KCNJ1: variants seen among roughly 807,000 people sequenced by gnomAD.
The protein encoded by KCNJ1 is ATP-sensitive inward rectifier potassium channel 1.
KCNJ1 carries 24 observed loss-of-function variants against 21.9 expected under a neutral mutation model. That is an observed-to-expected ratio of 1.10 (90% CI 0.79 to 1.54). KCNJ1 has a LOEUF of 1.54. Among genes scored for constraint, KCNJ1 ranks in the 40% most tolerant of loss-of-function variants. The pLI, the probability that KCNJ1 is intolerant of heterozygous loss-of-function variation, is 0.00. For missense variants in KCNJ1, 457 were observed against 455.4 expected, an observed-to-expected ratio of 1.00 and a Z score of -0.03; for synonymous variants, 152 against 160.9, an observed-to-expected ratio of 0.94 and a Z score of 0.42.
intron 2 of KCNJ1, among the ~76,000 whole-genome samples, chr11:128,844,297 T>C (rs1943341659): frequency 6.6e-6 from 1 of 152,078 alleles, no homozygotes; most frequent in Admixed American, 6.5e-5. Context: ...TAATGGAGCA[T>C]AGAAAGCCTC....
At chr11:128,858,828 G>A (rs548293170) in intron 1 of KCNJ1, among the ~76,000 whole-genome samples, 1 of 152,304 alleles carries the variant, frequency 6.6e-6, no homozygotes, top group South Asian at 2.1e-4. Context: ...GTCTACTATA[G>A]GACTCAGTTG....
Position 128,839,301 on chromosome 11 carries a change from CCTTT to C in KCNJ1, c.939_942del (p.Glu315GlyfsTer35), listed in dbSNP as rs780691086. ...TGGAAATCCACTCGGTATTTCCCTTCCTTTGTCTTGGATACTATGGGAGCAAAAC... is the reference window on the plus strand; with the variant it reads ...TGGAAATCCACTCGGTATTTCCCTTCGTCTTGGATACTATGGGAGCAAAAC... On this transcript the variant is annotated frameshift_variant, in exon 3 of 3. Transcript: ENST00000392666. LOFTEE classifies it high-confidence loss of function. 39 of 1,614,034 alleles carry C rather than the reference CCTTT, an allele frequency of 2.4e-5. No individual in the cohort carries two copies. In the Admixed American group the frequency reaches 2.5e-4, roughly 10 times the overall value.
chr11:128,850,181 G>A (rs749630596), intron 2 of KCNJ1, among the ~76,000 whole-genome samples: 2 of 151,496 alleles, frequency 1.3e-5, no homozygotes, highest in Admixed American at 1.3e-4. Context: ...TCTCCCCCAC[G>A]CCACACCCAC....
At chr11:128,852,610 T>C (rs1397687219) in intron 1 of KCNJ1, among the ~76,000 whole-genome samples, 1 of 152,246 alleles carries the variant, frequency 6.6e-6, no homozygotes, top group African/African-American at 2.4e-5. Context: ...TGACCCTTTG[T>C]TCCATGCCAT....
At chr11:128,855,433 G>A (rs535259830) in intron 1 of KCNJ1, among the ~76,000 whole-genome samples, 6 of 152,192 alleles carry the variant, frequency 3.9e-5, no homozygotes, top group Non-Finnish European at 8.8e-5. Context: ...TAACCAAAAT[G>A]CTGGCTCCCT....
chr11:128,852,422 C>T (rs911103543), intron 1 of KCNJ1, among the ~76,000 whole-genome samples: 1 of 152,124 alleles, frequency 6.6e-6, no homozygotes, highest in Non-Finnish European at 1.5e-5. Context: ...GACTCCGTTG[C>T]TATGCCCACG....
At chr11:128,857,128 G>T (rs980161054) in intron 1 of KCNJ1, among the ~76,000 whole-genome samples, 5 of 152,120 alleles carry the variant, frequency 3.3e-5, no homozygotes, top group African/African-American at 1.2e-4. Context: ...CTCCTGCCCT[G>T]GGCTTCGGCA....
chr11:128,861,237 C>T (rs1297225032), intron 1 of KCNJ1, among the ~76,000 whole-genome samples: 1 of 152,244 alleles, frequency 6.6e-6, no homozygotes, highest in Non-Finnish European at 1.5e-5. Context: ...CGCCAGCTTC[C>T]GCCCGAGGCG....
At position 128,839,566 on chromosome 11, in the gene KCNJ1, G is replaced by T. The variant is rs201463487; in HGVS notation, c.678C>A (p.Asp226Glu). ...CAACTACAAAGTTGATATTGATCTG[G>T]TCCAAAATAATGGTCTCTCCTTCAG... is the stretch of plus-strand genomic sequence containing the variant. ...VTPEGETIILDQININFVVDA... is the reference protein window; with the variant it reads ...VTPEGETIILEQININFVVDA... Residue 226 changes from aspartate to glutamate, a missense_variant, in exon 3 of 3, where the codon GAC becomes GAA. Coordinates refer to ENST00000392666, the MANE Select transcript of KCNJ1 (RefSeq NM_153766.3). The T allele has an allele frequency of 6.2e-7, 1 of 1,614,106 alleles. No homozygotes were observed.
intron 1 of KCNJ1, 42 bp downstream of exon 1, chr11:128,867,131 T>C (rs1464838148): frequency 6.6e-6 from 1 of 152,176 alleles, no homozygotes; most frequent in African/African-American, 2.4e-5. Flanking sequence ...AGAATTAACT[T>C]CTTTTTCCTA....
At position 128,861,969 on chromosome 11, in the gene KCNJ1, G is replaced by A. The variant is rs368376801; in HGVS notation, c.-192+5204C>T. On this transcript the variant is annotated intron_variant, in intron 1 of 2. Coordinates refer to ENST00000392666, the MANE Select transcript of KCNJ1 (RefSeq NM_153766.3). Reference sequence around the variant, plus strand: ...CCCCAGCTCTCGGCCGCGCTTCTCCGGTGGCTGCCTATTCCCAGCTTCAGG... The same window carrying A: ...CCCCAGCTCTCGGCCGCGCTTCTCCAGTGGCTGCCTATTCCCAGCTTCAGG... 3.9e-4 allele frequency among the ~76,000 whole-genome samples: 60 copies of A among 152,238 alleles called. No individual in the cohort carries two copies. In the South Asian group the frequency reaches 0.011, roughly 28 times the overall value.
chr11:128,843,432 G>A (rs1216483766), intron 2 of KCNJ1, among the ~76,000 whole-genome samples: 3 of 152,184 alleles, frequency 2.0e-5, no homozygotes, highest in African/African-American at 7.2e-5. Flanking sequence ...GGCAAAACAA[G>A]CGGATTACAT....
intron 1 of KCNJ1, among the ~76,000 whole-genome samples, chr11:128,855,564 AGTGAGGG>A (rs1299891491): frequency 6.6e-6 from 1 of 152,194 alleles, no homozygotes; most frequent in African/African-American, 2.4e-5. Context: ...CCTTGAAAAT[AGTGAGGG>A]GATAGGCTAT....
intron 1 of KCNJ1, among the ~76,000 whole-genome samples, chr11:128,855,292 C>T (rs903959614): frequency 6.6e-6 from 1 of 152,088 alleles, no homozygotes; most frequent in African/African-American, 2.4e-5. Context: ...TTCTTTTTCC[C>T]CAACATCATT....
chr11:128,855,103 A>AGC (rs1416262759), intron 1 of KCNJ1, among the ~76,000 whole-genome samples: 1 of 152,176 alleles, frequency 6.6e-6, no homozygotes, highest in Non-Finnish European at 1.5e-5. Flanking sequence ...AAACAAACAA[A>AGC]AAATAGTTGC....
At chr11:128,851,030 G>T in intron 1 of KCNJ1, 140 bp from the exon 2 acceptor site, 1 of 245,672 alleles carries the variant, frequency 4.1e-6, no homozygotes, top group South Asian at 1.5e-4. Flanking sequence ...GTCAGCTTGG[G>T]CTCCAGTGGA....
chr11:128,861,456 G>A (rs1943705956), intron 1 of KCNJ1, among the ~76,000 whole-genome samples: 1 of 152,182 alleles, frequency 6.6e-6, no homozygotes, highest in Admixed American at 6.5e-5. Context: ...GTATCCCTGG[G>A]ACCTCAGACA....
intron 1 of KCNJ1, among the ~76,000 whole-genome samples, chr11:128,865,128 T>C (rs1943794156): frequency 6.6e-6 from 1 of 152,124 alleles, no homozygotes; most frequent in South Asian, 2.1e-4. Context: ...TGCCATTTCC[T>C]TGTTCTAGAA....
At chr11:128,859,210 G>C (rs903439224) in intron 1 of KCNJ1, among the ~76,000 whole-genome samples, 1 of 152,238 alleles carries the variant, frequency 6.6e-6, no homozygotes, top group Admixed American at 6.5e-5. Context: ...GAAGGGAACT[G>C]AGGTTTAGAG....
Sources: gnomAD v4.1 joint callset for allele counts (sites outside exome capture counted in the v4.1 genomes callset) on GRCh38, gnomAD v4.1.1 for gene constraint, MANE v1.5 for transcripts, NCBI Gene and HGNC (gene_info 2026-07-23, HGNC 2026-07-21) for gene names.